Variants in GRIK3 observed in about 807,000 individuals in gnomAD.
GRIK3 encodes the protein glutamate ionotropic receptor kainate type subunit 3, also known as glutamate receptor ionotropic, kainate 3.
GRIK3 carries 29 observed loss-of-function variants against 102.5 expected under a neutral mutation model. That is an observed-to-expected ratio of 0.28 (90% CI 0.21 to 0.39). GRIK3 has a LOEUF of 0.39. Among genes scored for constraint, GRIK3 ranks in the 10% least tolerant of loss-of-function variants. The pLI is 1.00. For synonymous variants in GRIK3, 511 were observed against 504.9 expected, an observed-to-expected ratio of 1.01 and a Z score of -0.16; for missense variants, 908 against 1,252.4, an observed-to-expected ratio of 0.73 and a Z score of 4.15.
rs202027559 is a variant in GRIK3, at chr1:36,850,451, G to A, written c.1213-27C>T. ...TGGATGGACACAGACAGAAAACAGG[G>A]TGCCGAGTCCTTGGTCTACCCATCT... On this transcript the variant is annotated intron_variant, in intron 8 of 15. Transcript: ENST00000373091. This position sits in a 1 kb window ranked among gnomAD's most constrained non-coding sequence, Gnocchi z 4.0. 7.9e-6 allele frequency: 11 copies of A among 1,399,854 alleles called. No homozygotes were observed. The East Asian group carries it at 1.1e-4, about 14-fold the overall frequency. 86.7% of individuals were successfully genotyped at this position (1,399,854 alleles called of 1,614,324 possible).
At chr1:36,813,891 C>G (rs1002031284) in intron 13 of GRIK3, among the ~76,000 whole-genome samples, 15 of 152,238 alleles carry the variant, frequency 9.9e-5, no homozygotes, top group Admixed American at 5.9e-4. Flanking sequence ...GAGAGCTTCA[C>G]TTGAATTAAG....
chr1:36,891,483 C>T (rs1641116167), intron 1 of GRIK3, among the ~76,000 whole-genome samples: 2 of 152,170 alleles, frequency 1.3e-5, no homozygotes, highest in African/African-American at 2.4e-5. Flanking sequence ...ATCATTCCAT[C>T]ACATCAATAG....
At chr1:36,986,456 A>T (rs557991897) in intron 1 of GRIK3, among the ~76,000 whole-genome samples, 3 of 146,230 alleles carry the variant, frequency 2.1e-5, no homozygotes, top group South Asian at 2.2e-4. Flanking sequence ...CCATCCATCC[A>T]TCCATCAGCC....
chr1:37,004,684 G>A (rs961763542), intron 1 of GRIK3, among the ~76,000 whole-genome samples: 1 of 152,240 alleles, frequency 6.6e-6, no homozygotes, highest in East Asian at 1.9e-4. Context: ...GTTTGCGTAT[G>A]TGTGTCCTCA....
At position 36,809,080 on chromosome 1, in the gene GRIK3, C is replaced by T. The variant is rs200911289; in HGVS notation, c.2092-2754G>A. On this transcript the variant is annotated intron_variant, in intron 13 of 15. Transcript: ENST00000373091. ...TCCCTCTACTACTAGAGGTGAGAAC[C>T]AAAGGTAGATGAAGCAATCAGACCT... 5.3e-5 allele frequency among the ~76,000 whole-genome samples: 8 copies of T among 152,148 alleles called. No individual in the cohort carries two copies. In the East Asian group the frequency reaches 1.4e-3, roughly 26 times the overall value.
At chr1:36,846,422 C>A (rs984214604) in intron 9 of GRIK3, among the ~76,000 whole-genome samples, 3 of 152,172 alleles carry the variant, frequency 2.0e-5, no homozygotes, top group African/African-American at 7.2e-5. Flanking sequence ...CTGCTTTCTG[C>A]CACACCAGAT....
Position 36,819,263 on chromosome 1 carries a change from A to G in GRIK3, c.1873+473T>C, listed in dbSNP as rs774231260. On this transcript the variant is annotated intron_variant, in intron 12 of 15. Coordinates refer to ENST00000373091, the MANE Select transcript of GRIK3 (RefSeq NM_000831.4). The surrounding 1 kb of genome is among the most constrained non-coding windows in gnomAD (Gnocchi z 4.1). ...GTGTATCCTGAAGCTCTCTTAGTCC[A>G]TTTCTGCCTTCCACTCCCAGGGCCA... 1.6e-4 allele frequency among the ~76,000 whole-genome samples: 24 copies of G among 151,994 alleles called. No individual in the cohort carries two copies. Among genetic ancestry groups the G allele is most frequent in the Non-Finnish European group, 3.4e-4 (23 of 67,992 alleles).
At chr1:37,007,117 G>A (rs1642540670) in intron 1 of GRIK3, among the ~76,000 whole-genome samples, 1 of 152,224 alleles carries the variant, frequency 6.6e-6, no homozygotes, top group African/African-American at 2.4e-5. Context: ...GCTAGCAGAG[G>A]CTGTAGCCTA....
intron 1 of GRIK3, among the ~76,000 whole-genome samples, chr1:36,973,772 T>C (rs1642168260): frequency 6.6e-6 from 1 of 152,006 alleles, no homozygotes; most frequent in African/African-American, 2.4e-5. Context: ...AAGCATGAAA[T>C]GAGGCATGAA....
intron 1 of GRIK3, 45 bp downstream of exon 1, chr1:37,033,949 C>T: frequency 1.8e-6 from 2 of 1,136,312 alleles, no homozygotes; most frequent in Non-Finnish European, 2.6e-6. Flanking sequence ...TCATTCCCGC[C>T]CCCTCCCGGG....
At chr1:36,810,404 G>A (rs1273627367) in intron 13 of GRIK3, among the ~76,000 whole-genome samples, 1 of 152,190 alleles carries the variant, frequency 6.6e-6, no homozygotes, top group African/African-American at 2.4e-5. Context: ...ACCAATACAC[G>A]GCGGTGTGCC....
chr1:36,984,793 A>G (rs1346275192), intron 1 of GRIK3, among the ~76,000 whole-genome samples: 1 of 152,192 alleles, frequency 6.6e-6, no homozygotes, highest in Admixed American at 6.5e-5. Flanking sequence ...TGAGGTGCAG[A>G]GCCCAGGCCA....
chr1:36,987,561 A>C (rs913775292), intron 1 of GRIK3, among the ~76,000 whole-genome samples: 2 of 152,150 alleles, frequency 1.3e-5, no homozygotes, highest in Admixed American at 1.3e-4. Context: ...GGAGCAAAGA[A>C]GCTGGGGTAT....
chr1:36,809,458 A>C (rs1642538162), intron 13 of GRIK3, among the ~76,000 whole-genome samples: 2 of 150,320 alleles, frequency 1.3e-5, no homozygotes, highest in African/African-American at 4.9e-5. Flanking sequence ...TTACCCACCC[A>C]CTCTCCTATG....
chr1:36,884,879 G>A (rs926737328), intron 2 of GRIK3, among the ~76,000 whole-genome samples: 4 of 152,150 alleles, frequency 2.6e-5, no homozygotes, highest in African/African-American at 7.2e-5. Flanking sequence ...ACCATTACAC[G>A]GCCTGGCCTC....
chr1:36,862,074 C>A (rs982182660), intron 5 of GRIK3, among the ~76,000 whole-genome samples: 1 of 152,138 alleles, frequency 6.6e-6, no homozygotes, highest in African/African-American at 2.4e-5. Flanking sequence ...GGTGAGGTGA[C>A]TTACCTAAGG....
At chr1:36,958,762 G>A (rs981740164) in intron 1 of GRIK3, among the ~76,000 whole-genome samples, 1 of 128,614 alleles carries the variant, frequency 7.8e-6, no homozygotes, top group Admixed American at 7.6e-5. Context: ...TGTGCCCTGC[G>A]AGCCTGTGTG....
intron 3 of GRIK3, among the ~76,000 whole-genome samples, chr1:36,879,829 A>G (rs1457577204): frequency 6.6e-6 from 1 of 152,184 alleles, no homozygotes; most frequent in Admixed American, 6.5e-5. Flanking sequence ...CGGGCCCCAG[A>G]GCCCATCTCC....
At chr1:36,876,497 C>T (rs1194805825) in intron 3 of GRIK3, among the ~76,000 whole-genome samples, 2 of 152,178 alleles carry the variant, frequency 1.3e-5, no homozygotes, top group Non-Finnish European at 2.9e-5. Flanking sequence ...TGACCCAGCA[C>T]CCTGACTTTG....
Sources: gnomAD v4.1 joint callset for allele counts (sites outside exome capture counted in the v4.1 genomes callset) on GRCh38, gnomAD v4.1.1 for gene constraint, Gnocchi (gnomAD v3.1) non-coding constraint, MANE v1.5 for transcripts, NCBI Gene and HGNC (gene_info 2026-07-23, HGNC 2026-07-21) for gene names.